The following ETFBKMT variants were observed in gnomAD, a reference collection of about 807,000 sequenced individuals.
ETFBKMT encodes electron transfer flavoprotein beta subunit lysine methyltransferase.
Under a neutral mutation model 18.3 loss-of-function variants are expected in ETFBKMT, and 13 were observed. The ratio of observed to expected loss-of-function variants is 0.71; its 90% CI spans 0.46 to 1.13. ETFBKMT has a LOEUF of 1.13. Among genes scored for constraint, ETFBKMT ranks in the 50% most tolerant of loss-of-function variants. The pLI is 0.00. For synonymous variants in ETFBKMT, 84 were observed against 107.9 expected (o/e 0.78, Z 1.37); for missense variants, 293 against 306.2 (o/e 0.96, Z 0.32).
chr12:31,652,145 C>A (rs186877019), intron 1 of ETFBKMT, among the ~76,000 whole-genome samples: 7 of 152,328 alleles, frequency 4.6e-5, no homozygotes, highest in Admixed American at 2.0e-4. Context: ...CTATGTAAAT[C>A]AGACACCGTC....
intron 3 of ETFBKMT, among the ~76,000 whole-genome samples, chr12:31,667,000 T>C (rs1057125153): frequency 3.5e-5 from 4 of 113,708 alleles, no homozygotes; most frequent in African/African-American, 1.4e-4. Context: ...TTTTTTTTTC[T>C]TTTTTTTTTT....
upstream of ETFBKMT, among the ~76,000 whole-genome samples, chr12:31,656,351 A>G (rs1442022362): frequency 6.6e-6 from 1 of 152,168 alleles, no homozygotes; most frequent in East Asian, 1.9e-4. Context: ...GGATGAGAGA[A>G]CAAGGCGCTG....
intron 3 of ETFBKMT, among the ~76,000 whole-genome samples, chr12:31,667,369 C>CA (rs143249714): frequency 0.02 from 2,983 of 152,260 alleles, 45 homozygotes; most frequent in Middle Eastern, 0.034. Context: ...AGTAAAAAAA[C>CA]AAAATCTTTT....
chr12:31,666,882 C>T (rs546831222), intron 3 of ETFBKMT, among the ~76,000 whole-genome samples: 1 of 151,956 alleles, frequency 6.6e-6, no homozygotes, highest in African/African-American at 2.4e-5. Flanking sequence ...TGGTCTCAAT[C>T]TCCTGACCTC....
chr12:31,662,511 T>C (rs956939889), intron 2 of ETFBKMT, among the ~76,000 whole-genome samples: 2 of 150,106 alleles, frequency 1.3e-5, no homozygotes, highest in Non-Finnish European at 3.0e-5. Context: ...CTTTCTTTTT[T>C]TTTTTTTTTT....
intron 1 of ETFBKMT, among the ~76,000 whole-genome samples, chr12:31,652,733 T>C (rs982761288): frequency 7.2e-5 from 11 of 152,326 alleles, no homozygotes; most frequent in African/African-American, 2.6e-4. Context: ...TGGTGAAAAG[T>C]GGTCAGATTC....
intron 2 of ETFBKMT, among the ~76,000 whole-genome samples, chr12:31,663,057 G>A (rs542025257): frequency 1.9e-4 from 29 of 151,778 alleles, no homozygotes; most frequent in South Asian, 4.2e-4. Flanking sequence ...TGAGACCAGC[G>A]TAGGCAACAT....
chr12:31,672,580 A>G lies in ETFBKMT; in HGVS notation c.*4590A>G. On this transcript the variant is annotated 3_prime_UTR_variant, in exon 4 of 4. Coordinates refer to ENST00000357721, the MANE Select transcript of ETFBKMT (RefSeq NM_001135863.2). ...TATTATTAGGTGTAGTGCACCTATCATGGTATTACTTGTTTAAAAAAAAAA... is the reference window on the plus strand; with the variant it reads ...TATTATTAGGTGTAGTGCACCTATCGTGGTATTACTTGTTTAAAAAAAAAA... The G allele has an allele frequency of 2.2e-6, 1 of 448,328 alleles. No individual in the cohort carries two copies. Among genetic ancestry groups the G allele is most frequent in the Non-Finnish European group, 4.0e-6 (1 of 250,232 alleles). The allele number at this position is 448,328 out of a possible 1,614,324, so 27.8% of individuals were successfully genotyped here.
Position 31,662,146 on chromosome 12 carries a change from C to T in ETFBKMT, c.193C>T (p.Pro65Ser). The change falls in exon 2 of 4, where the codon CCT becomes TCT. Residue 65 changes from proline to serine, a missense_variant. By Grantham distance (74) the Pro-to-Ser change is moderately conservative (BLOSUM62 -1). Coordinates refer to ENST00000357721, the MANE Select transcript of ETFBKMT (RefSeq NM_001135863.2). ...TEVTSSGSLT[P>S]EIQLRLLTPR... ...AGTCACCAGCAGTGGTAGCCTCACC[C>T]CTGAAATCCAGTTGCGGCTTTTGAC... The T allele has an allele frequency of 1.2e-6, 2 of 1,614,248 alleles. No individual in the cohort carries two copies. The highest frequency in any genetic ancestry group is 1.7e-6 in the Non-Finnish European group (2 of 1,180,044).
chr12:31,658,894 A>G (rs116963538), upstream of ETFBKMT, among the ~76,000 whole-genome samples: 1 of 150,928 alleles, frequency 6.6e-6, no homozygotes, highest in Non-Finnish European at 1.5e-5. Context: ...ATCGCAGTTG[A>G]ATGTAGGCAG....
At chr12:31,656,358 G>A (rs118107193), upstream of ETFBKMT, among the ~76,000 whole-genome samples, 140 of 152,242 alleles carry the variant, frequency 9.2e-4, 1 homozygote, top group East Asian at 0.024. Context: ...AGAACAAGGC[G>A]CTGTGGGAGG....
At chr12:31,656,625 G>A (rs1797373699), upstream of ETFBKMT, among the ~76,000 whole-genome samples, 1 of 152,162 alleles carries the variant, frequency 6.6e-6, no homozygotes, top group Non-Finnish European at 1.5e-5. Context: ...TTAAACGAGT[G>A]TATTTAATTA....
At chr12:31,666,737 G>C (rs1333603849) in intron 3 of ETFBKMT, among the ~76,000 whole-genome samples, 1 of 150,978 alleles carries the variant, frequency 6.6e-6, no homozygotes, top group Non-Finnish European at 1.5e-5. Context: ...TGCAAGCTCC[G>C]CCTCCCGGGT....
chr12:31,661,074 A>T (rs1240185360), intron 1 of ETFBKMT: 1 of 152,202 alleles, frequency 6.6e-6, no homozygotes, highest in Admixed American at 6.5e-5. Flanking sequence ...CTTATATAGC[A>T]TTTACGTTGT....
At chr12:31,656,790 C>T (rs563726790), upstream of ETFBKMT, among the ~76,000 whole-genome samples, 12 of 152,252 alleles carry the variant, frequency 7.9e-5, no homozygotes, top group Non-Finnish European at 1.2e-4. Context: ...TCAGTCTTGC[C>T]CCGCCTTTAA....
At position 31,664,280 on chromosome 12, in the gene ETFBKMT, G is replaced by C. The variant is rs1951165517; in HGVS notation, c.315-1807G>C. ...AAATTCCTTGGTTGAATTGGACTTT[G>C]AGTTTTACCAGAGAGGTCATTATAC... On this transcript the variant is annotated intron_variant, in intron 2 of 3. Transcript: ENST00000357721. Among the ~76,000 whole-genome samples, 3 of 151,946 alleles carry C rather than the reference G, an allele frequency of 2.0e-5. No homozygotes were observed. In the South Asian group the frequency reaches 6.2e-4, roughly 32 times the overall value.
chr12:31,656,518 A>T (rs1253792193), upstream of ETFBKMT, among the ~76,000 whole-genome samples: 1 of 152,210 alleles, frequency 6.6e-6, no homozygotes, highest in East Asian at 1.9e-4. Context: ...GCAGGTTTTA[A>T]GCAAGGGAGA....
chr12:31,662,434 G>A (rs1029445004), intron 2 of ETFBKMT, among the ~76,000 whole-genome samples, 167 bp downstream of exon 2: 8 of 151,914 alleles, frequency 5.3e-5, no homozygotes, highest in Non-Finnish European at 7.4e-5. Context: ...CTGCACTCTC[G>A]CCTGGCCTGT....
upstream of ETFBKMT, among the ~76,000 whole-genome samples, chr12:31,658,831 T>C (rs1951084122): frequency 6.6e-6 from 1 of 151,976 alleles, no homozygotes; most frequent in Admixed American, 6.6e-5. Context: ...TGCAAATAAA[T>C]TGCTAGTGAA....
Sources: gnomAD v4.1 joint callset for allele counts (sites outside exome capture counted in the v4.1 genomes callset) on GRCh38, gnomAD v4.1.1 for gene constraint, MANE v1.5 for transcripts, NCBI Gene and HGNC (gene_info 2026-07-23, HGNC 2026-07-21) for gene names.